CMSS1: variants seen among roughly 807,000 people sequenced by gnomAD.
CMSS1 encodes protein CMSS1.
In CMSS1, 33 loss-of-function variants were observed where a neutral mutation model predicts 43.5. The observed-to-expected ratio is 0.76, with a 90% CI of 0.57 to 1.01. The LOEUF (loss-of-function observed/expected upper bound fraction) is 1.01, where lower values mean the gene tolerates loss of function less well. CMSS1 is among the 50% of genes least tolerant of loss of function. The pLI, the probability that CMSS1 is intolerant of heterozygous loss-of-function variation, is 0.00. For synonymous variants in CMSS1, 115 were observed against 117.2 expected, an observed-to-expected ratio of 0.98 and a Z score of 0.12; for missense variants, 313 against 326.4, an observed-to-expected ratio of 0.96 and a Z score of 0.32.
At position 99,839,463 on chromosome 3, in the gene CMSS1, G is replaced by A. The variant is rs562405094; in HGVS notation, c.64+21420G>A. ...ATAAGCTAATAATACACAGGGAATTGCAGCTTCTCAGAGAGGACCTTTTAG... is the reference window on the plus strand; with the variant it reads ...ATAAGCTAATAATACACAGGGAATTACAGCTTCTCAGAGAGGACCTTTTAG... On this transcript the variant is annotated intron_variant, in intron 1 of 9. Transcript: ENST00000421999. Among the ~76,000 whole-genome samples the A allele has an allele frequency of 3.3e-5, 5 of 152,296 alleles. No individual in the cohort carries two copies. The South Asian group carries it at 1.0e-3, about 32-fold the overall frequency.
chr3:99,821,249 G>A (rs1340841430), intron 1 of CMSS1, among the ~76,000 whole-genome samples: 2 of 152,242 alleles, frequency 1.3e-5, no homozygotes, highest in Non-Finnish European at 2.9e-5. Flanking sequence ...GATGTTGGCA[G>A]AATAAATATA....
rs989954929 is a variant in CMSS1, at chr3:99,931,174, G to A, written c.64+113131G>A. On this transcript the variant is annotated intron_variant, in intron 1 of 9. Transcript: ENST00000421999. ...CTTTTTGATGTCTACAGCAGAGAAG[G>A]ATATTAGCAGATTCATAAATCACAG... 2.6e-5 allele frequency: 17 copies of A among 650,914 alleles called. No homozygotes were observed. In the Admixed American group the frequency reaches 2.9e-4, roughly 11 times the overall value. 40.3% of individuals were successfully genotyped at this position (650,914 alleles called of 1,614,324 possible). A position where few individuals can be genotyped will look rare whatever the true frequency, so the allele number is the denominator to read the frequency against.
chr3:99,852,996 G>A (rs1361299106), intron 1 of CMSS1, among the ~76,000 whole-genome samples: 1 of 152,210 alleles, frequency 6.6e-6, no homozygotes, highest in African/African-American at 2.4e-5. Context: ...ATGCTAGGCA[G>A]GATGCTGGGG....
chr3:99,891,133 C>G (rs1297072314), intron 1 of CMSS1, among the ~76,000 whole-genome samples: 1 of 151,682 alleles, frequency 6.6e-6, no homozygotes, highest in East Asian at 1.9e-4. Flanking sequence ...AGTATACCTT[C>G]TCAGTGGAGT....
chr3:99,972,978 T>G (rs1708866009), intron 1 of CMSS1, among the ~76,000 whole-genome samples: 2 of 152,196 alleles, frequency 1.3e-5, no homozygotes, highest in Non-Finnish European at 2.9e-5. Flanking sequence ...CAATAAAAGC[T>G]GAGAGCAGAA....
At chr3:100,144,412 T>G (rs2066830476) in intron 1 of CMSS1, among the ~76,000 whole-genome samples, 1 of 152,200 alleles carries the variant, frequency 6.6e-6, no homozygotes, top group Non-Finnish European at 1.5e-5. Context: ...AAGTCCAGGC[T>G]CCTCATGTGG....
At chr3:100,140,546 C>T (rs1308849387) in intron 1 of CMSS1, among the ~76,000 whole-genome samples, 1 of 152,038 alleles carries the variant, frequency 6.6e-6, no homozygotes, top group Non-Finnish European at 1.5e-5. Context: ...GAAATGGGGT[C>T]TCACTTTGTT....
At chr3:100,153,713 T>C (rs2107521018) in intron 2 of CMSS1, among the ~76,000 whole-genome samples, 1 of 152,204 alleles carries the variant, frequency 6.6e-6, no homozygotes, top group South Asian at 2.1e-4. Flanking sequence ...GCATTGGGGG[T>C]TAGGGTTTTA....
chr3:99,935,269 A>AG (rs1176778147), intron 1 of CMSS1, among the ~76,000 whole-genome samples: 1 of 151,512 alleles, frequency 6.6e-6, no homozygotes, highest in Admixed American at 6.6e-5. Flanking sequence ...GGGTACCAAA[A>AG]AAAAAAAAAG....
intron 1 of CMSS1, among the ~76,000 whole-genome samples, chr3:100,074,221 C>G (rs1406304644): frequency 4.6e-5 from 7 of 152,188 alleles, no homozygotes; most frequent in Admixed American, 2.0e-4. Context: ...AATCTGACAG[C>G]CCCCCTGGGC....
chr3:100,129,810 C>T (rs2107498586), intron 1 of CMSS1, among the ~76,000 whole-genome samples: 1 of 152,278 alleles, frequency 6.6e-6, no homozygotes, highest in African/African-American at 2.4e-5. Flanking sequence ...CCATCTTTAT[C>T]TAAAATTCGT....
chr3:100,002,044 A>C (rs919163613), intron 1 of CMSS1, among the ~76,000 whole-genome samples: 2 of 152,142 alleles, frequency 1.3e-5, no homozygotes, highest in Non-Finnish European at 2.9e-5. Flanking sequence ...TCTGCTGGTG[A>C]TGCGTGTGTG....
chr3:100,061,579 C>T (rs990992472), intron 1 of CMSS1, among the ~76,000 whole-genome samples: 3 of 152,210 alleles, frequency 2.0e-5, no homozygotes, highest in African/African-American at 7.2e-5. Context: ...TGCTTTACCT[C>T]ATAATAAGAG....
intron 1 of CMSS1, among the ~76,000 whole-genome samples, chr3:100,082,472 T>A (rs185739791): frequency 8.5e-5 from 13 of 152,312 alleles, no homozygotes; most frequent in Non-Finnish European, 1.9e-4. Context: ...ATGGTTTCTA[T>A]TTTCTTCTAT....
At position 99,845,428 on chromosome 3, in the gene CMSS1, A is replaced by T. The variant is rs568015453; in HGVS notation, c.64+27385A>T. Among the ~76,000 whole-genome samples the T allele has an allele frequency of 8.8e-4, 134 of 152,262 alleles. 2 individuals are homozygous for T. The highest frequency in any genetic ancestry group is 1.3e-4 in the Non-Finnish European group (9 of 68,018). On this transcript the variant is annotated intron_variant, in intron 1 of 9. Coordinates refer to ENST00000421999, the MANE Select transcript of CMSS1 (RefSeq NM_032359.4). ...AGAATGGTATGAGTTTTTCAGAGAG[A>T]CGAAAAAACAGTCTATCTTCTGTGA...
chr3:99,936,819 A>T (rs530241108), intron 1 of CMSS1, among the ~76,000 whole-genome samples: 2 of 152,232 alleles, frequency 1.3e-5, no homozygotes, highest in South Asian at 4.1e-4. Context: ...AAAGATATAC[A>T]TAGTAAAGGA....
chr3:99,968,819 C>G (rs1174476328), intron 1 of CMSS1, among the ~76,000 whole-genome samples: 1 of 152,082 alleles, frequency 6.6e-6, no homozygotes, highest in East Asian at 1.9e-4. Flanking sequence ...GTGGCCAGGG[C>G]AGAATGACAT....
chr3:100,106,834 T>C (rs546428426), intron 1 of CMSS1, among the ~76,000 whole-genome samples: 1 of 152,260 alleles, frequency 6.6e-6, no homozygotes, highest in African/African-American at 2.4e-5. Flanking sequence ...GTCTGGAAAA[T>C]TTAAGATGCC....
chr3:99,848,745 G>A lies in CMSS1; in HGVS notation c.64+30702G>A, dbSNP rs781491940. 10 of 1,614,076 alleles carry A rather than the reference G, an allele frequency of 6.2e-6. No individual in the cohort carries two copies. The African/African-American group carries it at 1.1e-4, about 17-fold the overall frequency. Reference sequence around the variant, plus strand: ...TCTGTGCTCTGGCAAAGGTTGCCATGGTAATTGGGGACATGCCTTGTTCTA... The same window carrying A: ...TCTGTGCTCTGGCAAAGGTTGCCATAGTAATTGGGGACATGCCTTGTTCTA... On this transcript the variant is annotated intron_variant, in intron 1 of 9. Transcript: ENST00000421999.
Sources: gnomAD v4.1 joint callset for allele counts (sites outside exome capture counted in the v4.1 genomes callset) on GRCh38, gnomAD v4.1.1 for gene constraint, MANE v1.5 for transcripts, NCBI Gene and HGNC (gene_info 2026-07-23, HGNC 2026-07-21) for gene names.